Variants in NXPH1 observed in about 807,000 individuals in gnomAD.
NXPH1 encodes neurexophilin-1.
A neutral mutation model predicts 23.7 loss-of-function variants in NXPH1; 5 were observed. That is an observed-to-expected ratio of 0.21 (90% CI 0.11 to 0.44). The LOEUF (loss-of-function observed/expected upper bound fraction) is 0.44, where lower values mean the gene tolerates loss of function less well. NXPH1 is among the 20% of genes least tolerant of loss of function. NXPH1 has a pLI of 0.99. For synonymous variants in NXPH1, 144 were observed against 122.2 expected, an observed-to-expected ratio of 1.18 and a Z score of -1.18; for missense variants, 324 against 321.6, an observed-to-expected ratio of 1.01 and a Z score of -0.06.
chr7:8,466,875 G>C (rs1389980348), intron 2 of NXPH1, among the ~76,000 whole-genome samples: 3 of 151,998 alleles, frequency 2.0e-5, no homozygotes, highest in African/African-American at 7.2e-5. Context: ...ATGAGCACAG[G>C]GTCTAGAGTC....
chr7:8,550,696 A>G (rs1818264349), intron 2 of NXPH1, among the ~76,000 whole-genome samples: 1 of 151,632 alleles, frequency 6.6e-6, no homozygotes, highest in Non-Finnish European at 1.5e-5. Context: ...ACATTTTTCT[A>G]TATTTACAGC....
intron 2 of NXPH1, among the ~76,000 whole-genome samples, chr7:8,617,914 A>G (rs1020475294): frequency 2.0e-5 from 3 of 152,128 alleles, no homozygotes; most frequent in Admixed American, 6.6e-5. Flanking sequence ...ACTCCCATAA[A>G]TATATACACC....
intron 2 of NXPH1, among the ~76,000 whole-genome samples, chr7:8,469,177 T>A (rs550283275): frequency 1.3e-5 from 2 of 152,116 alleles, no homozygotes; most frequent in Admixed American, 6.6e-5. Context: ...GTTATTTTTT[T>A]AAAAAAGTAC....
At chr7:8,662,598 A>G (rs953824020) in intron 2 of NXPH1, among the ~76,000 whole-genome samples, 4 of 152,078 alleles carry the variant, frequency 2.6e-5, no homozygotes, top group African/African-American at 9.7e-5. Context: ...TCAATTTTTT[A>G]TCAAGTCTGG....
chr7:8,510,587 A>G (rs17150075), intron 2 of NXPH1, among the ~76,000 whole-genome samples: 2,599 of 152,246 alleles, frequency 0.017, 65 homozygotes, highest in African/African-American at 0.056. Context: ...AAGGAATATT[A>G]TATTTTGGTT....
chr7:8,739,196 A>C (rs1049266468), intron 2 of NXPH1, among the ~76,000 whole-genome samples: 29 of 132,954 alleles, frequency 2.2e-4, no homozygotes, highest in South Asian at 1.2e-3. Context: ...AAAAAAAAAA[A>C]AAAAAAAACC....
intron 2 of NXPH1, among the ~76,000 whole-genome samples, chr7:8,564,486 A>G (rs1202611315): frequency 1.3e-5 from 2 of 151,658 alleles, no homozygotes; most frequent in Admixed American, 6.6e-5. Context: ...CTTAACAGCC[A>G]TCTGGAAGGA....
At chr7:8,750,953 G>T in intron 2 of NXPH1, 55 bp from the exon 3 acceptor site, 2 of 1,515,436 alleles carry the variant, frequency 1.3e-6, no homozygotes, top group Non-Finnish European at 1.8e-6. Context: ...TCTATGCATT[G>T]GGTGTTATTC....
chr7:8,688,764 A>C (rs1033909090), intron 2 of NXPH1, among the ~76,000 whole-genome samples: 8 of 152,176 alleles, frequency 5.3e-5, no homozygotes, highest in African/African-American at 1.9e-4. Flanking sequence ...TGAGAAATCT[A>C]CTTTGACTTT....
rs1339938930 is a variant in NXPH1, at chr7:8,752,929, C to T, written c.*1160C>T. The T allele has an allele frequency of 6.6e-6, 1 of 152,318 alleles. No homozygotes were observed. Among genetic ancestry groups the T allele is most frequent in the African/African-American group, 2.4e-5 (1 of 41,372 alleles). 9.4% of individuals were successfully genotyped at this position (152,318 alleles called of 1,614,324 possible). A position where few individuals can be genotyped will look rare whatever the true frequency, so the allele number is the denominator to read the frequency against. On this transcript the variant is annotated 3_prime_UTR_variant, in exon 3 of 3. Transcript: ENST00000405863. ...TTATTTCTGGAAAAAATGAAATGTA[C>T]ATAAAAATAAAACACTTAAAGTTGA...
At chr7:8,654,095 C>T (rs546889350) in intron 2 of NXPH1, among the ~76,000 whole-genome samples, 1 of 152,294 alleles carries the variant, frequency 6.6e-6, no homozygotes, top group South Asian at 2.1e-4. Flanking sequence ...AAATCTAAGA[C>T]TTCCATAACC....
intron 2 of NXPH1, among the ~76,000 whole-genome samples, chr7:8,453,865 A>G (rs1816547551): frequency 6.6e-6 from 1 of 152,090 alleles, no homozygotes. Context: ...GCTATTGTGT[A>G]TAGTGCTTCA....
chr7:8,435,376 G>GA lies in NXPH1; in HGVS notation c.-110-228_-110-227insA. On this transcript the variant is annotated intron_variant, in intron 1 of 2. Coordinates refer to ENST00000405863, the MANE Select transcript of NXPH1 (RefSeq NM_152745.3). This position sits in a 1 kb window ranked among gnomAD's most constrained non-coding sequence, Gnocchi z 5.9. ...AACTCGCACCCGAGGAGCGCAGGGGGCAAGGAGCCCCTCACCCTCCCTCTC... is the reference window on the plus strand; with the variant it reads ...AACTCGCACCCGAGGAGCGCAGGGGGACAAGGAGCCCCTCACCCTCCCTCTC... 2.4e-6 allele frequency: 1 copy of GA among 411,762 alleles called. No individual in the cohort carries two copies. The highest frequency in any genetic ancestry group is 4.4e-6 in the Non-Finnish European group (1 of 224,960). 25.5% of individuals were successfully genotyped at this position (411,762 alleles called of 1,614,324 possible). A position where few individuals can be genotyped will look rare whatever the true frequency, so the allele number is the denominator to read the frequency against.
chr7:8,510,370 A>C (rs1419778696), intron 2 of NXPH1, among the ~76,000 whole-genome samples: 1 of 152,070 alleles, frequency 6.6e-6, no homozygotes, highest in African/African-American at 2.4e-5. Context: ...CTACCTTCTG[A>C]GGTAACTAAT....
Position 8,645,002 on chromosome 7 carries a change from A to G in NXPH1, c.55-106006A>G, listed in dbSNP as rs192301450. Among the ~76,000 whole-genome samples the G allele has an allele frequency of 7.4e-4, 112 of 152,316 alleles. 1 individual carries two copies. In the Middle Eastern group the frequency reaches 0.014, roughly 19 times the overall value. ...TTGTGGGATTCATCCCTGTTGATAA[A>G]TGCAGTTCTAATTTATTGGTCACTT... On this transcript the variant is annotated intron_variant, in intron 2 of 2. Coordinates refer to ENST00000405863, the MANE Select transcript of NXPH1 (RefSeq NM_152745.3).
rs1241352713 is a variant in NXPH1 at position 8,655,496 on chromosome 7, TCACACGCACA to T, written c.55-95506_55-95497del. Among the ~76,000 whole-genome samples the T allele has an allele frequency of 1.4e-4, 19 of 136,506 alleles. No individual in the cohort carries two copies. The Admixed American group carries it at 1.4e-3, about 10-fold the overall frequency. The allele number at this position is 136,506 out of a possible 152,430, so 89.6% of individuals were successfully genotyped here. ...CACACACACACATCAGATATGTCCA[TCACACGCACA>T]CACACACACGCACACATGCTTTCAT... On this transcript the variant is annotated intron_variant, in intron 2 of 2. Coordinates refer to ENST00000405863, the MANE Select transcript of NXPH1 (RefSeq NM_152745.3).
chr7:8,536,091 G>A (rs1308476816), intron 2 of NXPH1, among the ~76,000 whole-genome samples: 1 of 152,128 alleles, frequency 6.6e-6, no homozygotes, highest in Non-Finnish European at 1.5e-5. Context: ...GTAATTGTGT[G>A]TTTATTATCG....
At chr7:8,681,173 A>G (rs1487371693) in intron 2 of NXPH1, among the ~76,000 whole-genome samples, 1 of 152,246 alleles carries the variant, frequency 6.6e-6, no homozygotes, top group Non-Finnish European at 1.5e-5. Flanking sequence ...TAAGTCATTT[A>G]GCTTCAGAGC....
intron 2 of NXPH1, among the ~76,000 whole-genome samples, chr7:8,573,448 G>A (rs1818690527): frequency 1.3e-5 from 2 of 152,130 alleles, no homozygotes; most frequent in South Asian, 4.1e-4. Flanking sequence ...TAGACTTGAA[G>A]AGTCAACAGA....
Sources: gnomAD v4.1 joint callset for allele counts (sites outside exome capture counted in the v4.1 genomes callset) on GRCh38, gnomAD v4.1.1 for gene constraint, Gnocchi (gnomAD v3.1) non-coding constraint, MANE v1.5 for transcripts, NCBI Gene and HGNC (gene_info 2026-07-23, HGNC 2026-07-21) for gene names.